Variants in SYCP2 observed in about 807,000 individuals in gnomAD.
SYCP2 encodes the protein synaptonemal complex lateral element protein.
A neutral mutation model predicts 211.3 loss-of-function variants in SYCP2; 55 were observed. That is an observed-to-expected ratio of 0.26 (90% CI 0.21 to 0.33). SYCP2 has a LOEUF of 0.33. Among genes scored for constraint, SYCP2 ranks in the 10% least tolerant of loss-of-function variants. The pLI, the probability that SYCP2 is intolerant of heterozygous loss-of-function variation, is 1.00. For synonymous variants in SYCP2, 570 were observed against 555.2 expected (o/e 1.03, Z -0.37); for missense variants, 1,731 against 1,752.0 (o/e 0.99, Z 0.21).
At position 59,886,744 on chromosome 20, in the gene SYCP2, T is replaced by C. The variant is rs1401475555; in HGVS notation, c.2455A>G (p.Lys819Glu). 1.9e-6 allele frequency: 3 copies of C among 1,586,230 alleles called. No homozygotes were observed. Among genetic ancestry groups the C allele is most frequent in the East Asian group, 2.3e-5 (1 of 43,966 alleles). Reference sequence around the variant, plus strand: ...GACTCCTTTAATTTTCTTGTAGACTTGATGTCATCTTTTGTTTTGTATCTT... The same window carrying C: ...GACTCCTTTAATTTTCTTGTAGACTCGATGTCATCTTTTGTTTTGTATCTT... ...NKRYKTKDDI[K>E]STRKLKESLI... Residue 819 changes from lysine to glutamate, a missense_variant, in exon 25 of 45, where the codon AAG (lysine) becomes GAG (glutamate). By Grantham distance (56) the Lys-to-Glu change is moderately conservative. Coordinates refer to ENST00000357552, the MANE Select transcript of SYCP2 (RefSeq NM_014258.4).
At chr20:59,899,629 G>A (rs1055210637) in intron 18 of SYCP2, among the ~76,000 whole-genome samples, 4 of 152,104 alleles carry the variant, frequency 2.6e-5, no homozygotes, top group African/African-American at 9.7e-5. Context: ...GAAGCTGAAG[G>A]AGCGGACCTT....
intron 2 of SYCP2, among the ~76,000 whole-genome samples, chr20:59,926,099 A>G (rs2060629366): frequency 6.6e-6 from 1 of 152,098 alleles, no homozygotes; most frequent in Non-Finnish European, 1.5e-5. Flanking sequence ...ATATGGATTG[A>G]AGGAGGAACC....
intron 24 of SYCP2, among the ~76,000 whole-genome samples, chr20:59,889,917 G>C (rs2059871483): frequency 6.6e-6 from 1 of 152,076 alleles, no homozygotes; most frequent in African/African-American, 2.4e-5. Context: ...ACAAATGCTG[G>C]AGAGGATGTG....
chr20:59,920,410 TAC>T lies in SYCP2; in HGVS notation c.244_245del (p.Val82IlefsTer23). ...TCGTTAGAAGTCCAGCTTGCCCCAA[TAC>T]ACTGATATTTTTGCCACATCTTCCA... ...SVGRCGKNIS[V>X]LGQAGLLTMI... On this transcript the variant is annotated frameshift_variant, in exon 5 of 45. Coordinates refer to ENST00000357552, the MANE Select transcript of SYCP2 (RefSeq NM_014258.4). LOFTEE classifies it high-confidence loss of function. 6.2e-7 allele frequency: 1 copy of T among 1,610,304 alleles called. No homozygotes were observed. The highest frequency in any genetic ancestry group is 8.5e-7 in the Non-Finnish European group (1 of 1,177,550).
At chr20:59,928,517 A>G (rs900638383) in intron 2 of SYCP2, among the ~76,000 whole-genome samples, 2 of 152,178 alleles carry the variant, frequency 1.3e-5, no homozygotes, top group African/African-American at 4.8e-5. Flanking sequence ...CTCTAATACT[A>G]AAATAACTTT....
chr20:59,896,050 A>C (rs1226483495), intron 19 of SYCP2, among the ~76,000 whole-genome samples: 1 of 152,026 alleles, frequency 6.6e-6, no homozygotes, highest in African/African-American at 2.4e-5. Context: ...TTGATAAGAT[A>C]GATACTTAAG....
chr20:59,921,883 T>C (rs146631390), intron 3 of SYCP2, among the ~76,000 whole-genome samples: 91 of 151,706 alleles, frequency 6.0e-4, no homozygotes, highest in African/African-American at 1.9e-3. Context: ...TTAGAAATTA[T>C]GCCAACTAAC....
Position 59,901,603 on chromosome 20 carries a change from C to T in SYCP2, c.1182+59G>A, listed in dbSNP as rs1030766675. ...GGAAAAAACGCAATAAAACTTATAACGCCAAACTGTTTCCAGAATTATGAA... is the reference window on the plus strand; with the variant it reads ...GGAAAAAACGCAATAAAACTTATAATGCCAAACTGTTTCCAGAATTATGAA... On this transcript the variant is annotated intron_variant, in intron 16 of 44. Coordinates refer to ENST00000357552, the MANE Select transcript of SYCP2 (RefSeq NM_014258.4). 189 of 1,080,604 alleles carry T rather than the reference C, an allele frequency of 1.7e-4. No homozygotes were observed. In the Admixed American group the frequency reaches 1.8e-3, roughly 10 times the overall value. 66.9% of individuals were successfully genotyped at this position (1,080,604 alleles called of 1,614,324 possible). A position where few individuals can be genotyped will look rare whatever the true frequency, so the allele number is the denominator to read the frequency against.
At chr20:59,928,040 T>C (rs1228232725) in intron 2 of SYCP2, among the ~76,000 whole-genome samples, 1 of 152,168 alleles carries the variant, frequency 6.6e-6, no homozygotes, top group East Asian at 1.9e-4. Flanking sequence ...GTTTGCTCAA[T>C]TCTGGAGCTC....
At position 59,865,579 on chromosome 20, in the gene SYCP2, T is replaced by C; in HGVS notation, c.4452A>G (p.Thr1484=). 6.2e-7 allele frequency: 1 copy of C among 1,600,574 alleles called. No individual in the cohort carries two copies. Among genetic ancestry groups the C allele is most frequent in the Non-Finnish European group, 8.5e-7 (1 of 1,174,630 alleles). ...AAAAGCATAAAATTTATACCTCGGA[T>C]GTAAAAACAGTTTCTTCACTATCAG... ...CNTDSEETVF[T]SEMCLMKEDM... Residue 1484 remains threonine, a synonymous_variant, in exon 43 of 45, where the codon ACA becomes ACG. Coordinates refer to ENST00000357552, the MANE Select transcript of SYCP2 (RefSeq NM_014258.4).
chr20:59,926,993 T>C (rs1293195517), intron 2 of SYCP2, among the ~76,000 whole-genome samples: 1 of 152,146 alleles, frequency 6.6e-6, no homozygotes, highest in Non-Finnish European at 1.5e-5. Flanking sequence ...TGGAAATATA[T>C]ACCAGAACTT....
intron 15 of SYCP2, 138 bp from the exon 16 acceptor site, chr20:59,901,948 A>G (rs1156728921): frequency 6.5e-6 from 4 of 616,152 alleles, no homozygotes; most frequent in African/African-American, 1.9e-5. Context: ...AAATTAATCA[A>G]TTCTGGCACT....
intron 35 of SYCP2, among the ~76,000 whole-genome samples, chr20:59,870,451 T>A (rs1462467341): frequency 6.6e-6 from 1 of 151,792 alleles, no homozygotes; most frequent in Non-Finnish European, 1.5e-5. Context: ...GTCTTTTTTT[T>A]AATACAGCAA....
chr20:59,925,913 T>C (rs2060626704), intron 2 of SYCP2, among the ~76,000 whole-genome samples: 1 of 152,082 alleles, frequency 6.6e-6, no homozygotes, highest in Non-Finnish European at 1.5e-5. Context: ...AAAACCTCAC[T>C]AGTTTGTCAA....
intron 35 of SYCP2, among the ~76,000 whole-genome samples, chr20:59,871,639 A>G (rs1342569669): frequency 2.0e-5 from 3 of 151,854 alleles, no homozygotes; most frequent in Non-Finnish European, 4.4e-5. Flanking sequence ...TGGTTCTAGG[A>G]CCTCTTGTGG....
At chr20:59,921,041 A>AT (rs985968482) in intron 4 of SYCP2, among the ~76,000 whole-genome samples, 3 of 151,424 alleles carry the variant, frequency 2.0e-5, no homozygotes, top group African/African-American at 7.3e-5. Flanking sequence ...GAGCTAAAGT[A>AT]TTTTTTCCCC....
Position 59,881,037 on chromosome 20 carries a change from A to G in SYCP2, c.2715-14T>C. The G allele has an allele frequency of 1.4e-6, 2 of 1,410,888 alleles. No individual in the cohort carries two copies. Among genetic ancestry groups the G allele is most frequent in the African/African-American group, 1.4e-5 (1 of 69,718 alleles). The allele number at this position is 1,410,888 out of a possible 1,614,324, so 87.4% of individuals were successfully genotyped here. ...CTTGGACCTACCCTTAAACAAAAATATGTATTAATTAAAAAATACCCTTCA... is the reference window on the plus strand; with the variant it reads ...CTTGGACCTACCCTTAAACAAAAATGTGTATTAATTAAAAAATACCCTTCA... On this transcript the variant is annotated splice_polypyrimidine_tract_variant and intron_variant, in intron 29 of 44. Coordinates refer to ENST00000357552, the MANE Select transcript of SYCP2 (RefSeq NM_014258.4).
intron 11 of SYCP2, 39 bp from the exon 12 acceptor site, chr20:59,914,066 T>C: frequency 6.4e-7 from 1 of 1,574,032 alleles, no homozygotes; most frequent in Non-Finnish European, 8.6e-7. Flanking sequence ...ATCATAATAA[T>C]TTTTAAAAAT....
chr20:59,922,305 T>C, intron 3 of SYCP2, 85 bp downstream of exon 3: 3 of 1,229,892 alleles, frequency 2.4e-6, no homozygotes, highest in Non-Finnish European at 3.4e-6. Context: ...TTATCATTGC[T>C]AAAAACATAG....
Sources: gnomAD v4.1 joint callset for allele counts (sites outside exome capture counted in the v4.1 genomes callset) on GRCh38, gnomAD v4.1.1 for gene constraint, MANE v1.5 for transcripts, NCBI Gene and HGNC (gene_info 2026-07-23, HGNC 2026-07-21) for gene names.